The following SLC5A4 variants were observed in gnomAD, a reference collection of about 807,000 sequenced individuals.
SLC5A4 encodes the protein probable glucose sensor protein SLC5A4.
Under a neutral mutation model 70.3 loss-of-function variants are expected in SLC5A4, and 55 were observed. That is an observed-to-expected ratio of 0.78 (90% CI 0.63 to 0.98). The LOEUF (loss-of-function observed/expected upper bound fraction) is 0.98. Ranked by LOEUF, SLC5A4 falls within the 50% of genes least tolerant of loss-of-function variation. The pLI, the probability that SLC5A4 is intolerant of heterozygous loss-of-function variation, is 0.00. For synonymous variants in SLC5A4, 268 were observed against 305.7 expected, an observed-to-expected ratio of 0.88 and a Z score of 1.29; for missense variants, 735 against 839.2, an observed-to-expected ratio of 0.88 and a Z score of 1.53.
the SLC5A4 span, among the ~76,000 whole-genome samples, chr22:32,297,146 T>C: frequency 2.0e-5 from 3 of 152,114 alleles, no homozygotes; most frequent in Admixed American, 1.3e-4. Context: ...CTGGCTTTGG[T>C]ATCAGATGAT....
the SLC5A4 span, chr22:32,270,510 C>T: frequency 2.9e-5 from 21 of 724,126 alleles, no homozygotes; most frequent in Admixed American, 1.3e-4. Flanking sequence ...ACAATGACCA[C>T]CGCAGACAGT....
chr22:32,245,645 T>G (rs1926775804), intron 5 of SLC5A4, among the ~76,000 whole-genome samples: 1 of 152,170 alleles, frequency 6.6e-6, no homozygotes. Context: ...CTCAGCCTCC[T>G]GAGTAGCTGG....
the SLC5A4 span, among the ~76,000 whole-genome samples, chr22:32,349,578 C>T: frequency 1.3e-5 from 2 of 152,138 alleles, no homozygotes; most frequent in African/African-American, 4.8e-5. Context: ...ATTTTGAAGA[C>T]ATTTTCATTT....
chr22:32,249,325 G>A (rs1302700682), intron 3 of SLC5A4, among the ~76,000 whole-genome samples: 1 of 152,184 alleles, frequency 6.6e-6, no homozygotes, highest in African/African-American at 2.4e-5. Flanking sequence ...TAGAGAGGGG[G>A]AACTTGAGCC....
At chr22:32,308,470 T>C in the SLC5A4 span, among the ~76,000 whole-genome samples, 1 of 152,274 alleles carries the variant, frequency 6.6e-6, no homozygotes, top group African/African-American at 2.4e-5. Context: ...GGGGAGTCAG[T>C]GTCAGGCTCA....
intron 5 of SLC5A4, among the ~76,000 whole-genome samples, chr22:32,245,078 G>A (rs1047287048): frequency 6.6e-6 from 1 of 152,152 alleles, no homozygotes; most frequent in African/African-American, 2.4e-5. Context: ...CAATACATAT[G>A]TTATTGCAGG....
At chr22:32,239,577 TA>T (rs1926366718) in intron 5 of SLC5A4, among the ~76,000 whole-genome samples, 1 of 26,712 alleles carries the variant, frequency 3.7e-5, no homozygotes, top group Non-Finnish European at 6.6e-5. Flanking sequence ...TATTTATATA[TA>T]TATTTATATA....
At chr22:32,301,842 CAAAA>C in the SLC5A4 span, among the ~76,000 whole-genome samples, 4 of 147,918 alleles carry the variant, frequency 2.7e-5, no homozygotes, top group Non-Finnish European at 6.0e-5. Flanking sequence ...ATTTAAAGTA[CAAAA>C]AAAAAAAAAC....
At chr22:32,274,265 C>T in the SLC5A4 span, among the ~76,000 whole-genome samples, 360 of 152,208 alleles carry the variant, frequency 2.4e-3, 2 homozygotes, top group African/African-American at 8.3e-3. Flanking sequence ...TGGTCTCGAT[C>T]TCCTGACCTC....
the SLC5A4 span, among the ~76,000 whole-genome samples, chr22:32,304,981 AT>A: frequency 6.6e-6 from 1 of 151,868 alleles, no homozygotes; most frequent in Admixed American, 6.6e-5. Context: ...TGAAAAGACT[AT>A]TTTTTCCTCC....
the SLC5A4 span, among the ~76,000 whole-genome samples, chr22:32,339,793 A>T: frequency 6.6e-6 from 1 of 152,212 alleles, no homozygotes; most frequent in Non-Finnish European, 1.5e-5. Context: ...TAGCCCACGA[A>T]GGGGCCAATG....
chr22:32,225,600 T>C lies in SLC5A4; in HGVS notation c.1449+55A>G, dbSNP rs559941888. On this transcript the variant is annotated intron_variant, in intron 12 of 14. Coordinates refer to ENST00000266086, the MANE Select transcript of SLC5A4 (RefSeq NM_014227.3). The stretch of plus-strand genomic sequence containing the variant: ...AATGTATTTTGATACCCCAGTGAAA[T>C]AAACGATTTTTTTCTCACTCCAGCA... The C allele has an allele frequency of 1.6e-5, 19 of 1,187,620 alleles. No individual in the cohort carries two copies. In the African/African-American group the frequency reaches 2.8e-4, roughly 17 times the overall value. 73.6% of individuals were successfully genotyped at this position (1,187,620 alleles called of 1,614,324 possible).
At chr22:32,271,657 C>A in the SLC5A4 span, 1 of 599,252 alleles carries the variant, frequency 1.7e-6, no homozygotes. Context: ...CTCACTGGCT[C>A]CTGGCGACAG....
At chr22:32,354,419 C>A in the SLC5A4 span, among the ~76,000 whole-genome samples, 1 of 151,316 alleles carries the variant, frequency 6.6e-6, no homozygotes, top group African/African-American at 2.4e-5. Context: ...GGATAATGCC[C>A]CCAGCCAGCT....
chr22:32,331,807 C>G, the SLC5A4 span, among the ~76,000 whole-genome samples: 1 of 152,056 alleles, frequency 6.6e-6, no homozygotes, highest in South Asian at 2.1e-4. Flanking sequence ...CTGATCCTCT[C>G]GCGGCTTCCA....
the SLC5A4 span, among the ~76,000 whole-genome samples, chr22:32,279,700 T>C: frequency 6.6e-6 from 1 of 152,208 alleles, no homozygotes; most frequent in African/African-American, 2.4e-5. Flanking sequence ...GCTCCACCTC[T>C]CAACACTGCC....
chr22:32,239,597 TTATATAAAATATATGTATAA>T (rs1926380176), intron 5 of SLC5A4, among the ~76,000 whole-genome samples: 1 of 27,834 alleles, frequency 3.6e-5, no homozygotes, highest in Non-Finnish European at 6.3e-5. Context: ...TATATATAAA[TTATATAAAATATATGTATAA>T]TATATAAAAT....
At chr22:32,255,442 T>A (rs543117700), upstream of SLC5A4, 86 of 1,174,632 alleles carry the variant, frequency 7.3e-5, no homozygotes, top group African/African-American at 1.1e-3. Flanking sequence ...CTCCTGGATA[T>A]GGAGACCTTT....
At chr22:32,348,396 G>A in the SLC5A4 span, among the ~76,000 whole-genome samples, 17 of 152,294 alleles carry the variant, frequency 1.1e-4, no homozygotes, top group East Asian at 3.1e-3. Context: ...GCCCAGGCCT[G>A]GCCTTCTGTG....
Sources: gnomAD v4.1 joint callset for allele counts (sites outside exome capture counted in the v4.1 genomes callset) on GRCh38, gnomAD v4.1.1 for gene constraint, MANE v1.5 for transcripts, NCBI Gene and HGNC (gene_info 2026-07-23, HGNC 2026-07-21) for gene names.